The following APOBEC3G variants were observed in gnomAD, a reference collection of about 807,000 sequenced individuals.
APOBEC3G encodes the protein DNA dC->dU-editing enzyme APOBEC-3G.
A neutral mutation model predicts 50.0 loss-of-function variants in APOBEC3G; 44 were observed. The ratio of observed to expected loss-of-function variants is 0.88; its 90% CI spans 0.69 to 1.13. The LOEUF is 1.13. APOBEC3G is among the 50% of genes most tolerant of loss of function. The pLI, the probability that APOBEC3G is intolerant of heterozygous loss-of-function variation, is 0.00. For missense variants in APOBEC3G, 469 were observed against 492.0 expected (o/e 0.95, Z 0.44); for synonymous variants, 156 against 175.3 (o/e 0.89, Z 0.87).
At chr22:39,080,009 A>T (rs961185551) in intron 2 of APOBEC3G, 1 of 160,250 alleles carries the variant, frequency 6.2e-6, no homozygotes, top group African/African-American at 2.4e-5. Context: ...GCATCCTTGC[A>T]TTCCAGCCTG....
At chr22:39,079,112 C>T (rs747174053) in intron 2 of APOBEC3G, 27 bp downstream of exon 2, 5 of 1,612,040 alleles carry the variant, frequency 3.1e-6, no homozygotes, top group Non-Finnish European at 3.4e-6. Flanking sequence ...AATCACTTTG[C>T]AGGCAGGAGC....
intron 7 of APOBEC3G, 98 bp downstream of exon 7, chr22:39,087,224 G>T (rs916727094): frequency 1.9e-6 from 3 of 1,605,294 alleles, no homozygotes; most frequent in African/African-American, 2.7e-5. Context: ...CCTCCTCTGG[G>T]TTCCCTGCTC....
At position 39,079,078 on chromosome 22, in the gene APOBEC3G, G is replaced by C. The variant is rs367793502; in HGVS notation, c.164G>C (p.Arg55Pro). 17 of 1,614,068 alleles carry C rather than the reference G, an allele frequency of 1.1e-5. No individual in the cohort carries two copies. The South Asian group carries it at 1.6e-4, about 16-fold the overall frequency. The change falls in exon 2 of 8, where the codon CGA becomes CCA. Residue 55 changes from arginine to proline, a missense_variant. Transcript: ENST00000407997. ...CCCCCTTTGGACGCAAAGATCTTTC[G>C]AGGCCAGGTACCACCCGGACTCCAA... ...SRPPLDAKIF[R>P]GQVYSELKYH... is the part of the protein sequence containing the mutation.
At position 39,083,861 on chromosome 22, in the gene APOBEC3G, C is replaced by T. The variant is rs199763152; in HGVS notation, c.712C>T (p.Arg238Cys). 3.3e-5 allele frequency: 53 copies of T among 1,613,564 alleles called. 1 individual carries two copies. The highest frequency in any genetic ancestry group is 2.5e-4 in the African/African-American group (19 of 75,010). Residue 238 changes from arginine (R) to cysteine (C), a missense_variant, in exon 5 of 8, where the codon CGC becomes TGC. Physicochemically the swap from Arg to Cys is radical, Grantham distance 180 (BLOSUM62 -3). Coordinates refer to ENST00000407997, the MANE Select transcript of APOBEC3G (RefSeq NM_021822.4). ...TGACACCTGGGTCCTGCTGAACCAG[C>T]GCAGGGGCTTTCTATGCAACCAGGT... ...HNDTWVLLNQ[R>C]RGFLCNQAPH...
At chr22:39,085,290 A>C (rs36007289) in intron 5 of APOBEC3G, among the ~76,000 whole-genome samples, 11 of 152,256 alleles carry the variant, frequency 7.2e-5, no homozygotes, top group Non-Finnish European at 1.5e-4. Flanking sequence ...GCCTCAGTCT[A>C]TGTCACTCGT....
intron 1 of APOBEC3G, 149 bp from the exon 2 acceptor site, chr22:39,078,783 G>A (rs980341273): frequency 3.5e-6 from 4 of 1,126,896 alleles, no homozygotes; most frequent in Non-Finnish European, 4.9e-6. Flanking sequence ...CGCGATCTTG[G>A]CTCACTACAG....
At chr22:39,078,556 C>A (rs1426003728) in intron 1 of APOBEC3G, 3 of 175,144 alleles carry the variant, frequency 1.7e-5, no homozygotes, top group Non-Finnish European at 3.6e-5. Context: ...CTCACATGAG[C>A]TCACCCCCGC....
At chr22:39,077,904 A>G (rs1928232080) in intron 1 of APOBEC3G, among the ~76,000 whole-genome samples, 1 of 152,026 alleles carries the variant, frequency 6.6e-6, no homozygotes, top group Non-Finnish European at 1.5e-5. Context: ...GATGCAGATG[A>G]CCCCAAACAC....
chr22:39,087,280 C>T, intron 7 of APOBEC3G, 127 bp from the exon 8 acceptor site: 3 of 1,596,470 alleles, frequency 1.9e-6, no homozygotes, highest in Non-Finnish European at 1.7e-6. Context: ...CTCACAGCCT[C>T]CCTTTCTCTC....
At chr22:39,083,590 C>G in intron 4 of APOBEC3G, 141 bp from the exon 5 acceptor site, 1 of 1,004,012 alleles carries the variant, frequency 1.0e-6, no homozygotes, top group Non-Finnish European at 1.5e-6. Context: ...GTGGGAGCCC[C>G]TTCTGACAGG....
chr22:39,079,846 G>T (rs1315923264), intron 2 of APOBEC3G: 1 of 150,248 alleles, frequency 6.7e-6, no homozygotes, highest in Non-Finnish European at 1.5e-5. Context: ...ACCGGCCTGG[G>T]CAACATGGTG....
intron 4 of APOBEC3G, 97 bp from the exon 5 acceptor site, chr22:39,083,634 G>C: frequency 7.0e-7 from 1 of 1,418,546 alleles, no homozygotes; most frequent in Non-Finnish European, 9.7e-7. Context: ...GGGAAGGAAG[G>C]AGGGTGGGGT....
chr22:39,083,983 T>C, intron 5 of APOBEC3G, 99 bp downstream of exon 5: 1 of 1,426,556 alleles, frequency 7.0e-7, no homozygotes. Flanking sequence ...TCCTGCAGAG[T>C]GTCTGTCACC....
chr22:39,078,714 C>A, intron 1 of APOBEC3G: 1 of 582,628 alleles, frequency 1.7e-6, no homozygotes, highest in Non-Finnish European at 2.9e-6. Flanking sequence ...TTCTGTCTCT[C>A]TCTCTCTTTT....
intron 1 of APOBEC3G, chr22:39,078,683 A>T (rs1048263484): frequency 4.1e-5 from 20 of 486,306 alleles, no homozygotes; most frequent in Non-Finnish European, 6.9e-5. Flanking sequence ...AAAAGCTGTT[A>T]TTTTGGGGTG....
chr22:39,081,692 C>T (rs1376631142), intron 4 of APOBEC3G, 107 bp downstream of exon 4: 11 of 876,370 alleles, frequency 1.3e-5, no homozygotes, highest in Non-Finnish European at 1.8e-5. Context: ...CCAGGCCCTC[C>T]TGCCTTCCCT....
Position 39,080,961 on chromosome 22 carries a change from A to G in APOBEC3G, c.200A>G (p.Glu67Gly), listed in dbSNP as rs747116946. The G allele has an allele frequency of 1.2e-6, 2 of 1,613,858 alleles. No individual in the cohort carries two copies. The highest frequency in any genetic ancestry group is 1.7e-6 in the Non-Finnish European group (2 of 1,179,946). Residue 67 changes from glutamate to glycine, a missense_variant, in exon 3 of 8, where the codon GAG (glutamate) becomes GGG (glycine). By Grantham distance (98) the Glu-to-Gly change is moderately conservative. Transcript: ENST00000407997. The stretch of plus-strand genomic sequence containing the variant: ...TATTCCGAACTTAAGTACCACCCAG[A>G]GATGAGATTCTTCCACTGGTTCAGC... Reference protein sequence around the residue: ...QVYSELKYHPEMRFFHWFSKW... With the variant: ...QVYSELKYHPGMRFFHWFSKW...
chr22:39,077,514 C>T lies in APOBEC3G; in HGVS notation c.17+136C>T. The T allele has an allele frequency of 2.0e-6, 3 of 1,463,692 alleles. No homozygotes were observed. The South Asian group carries it at 3.7e-5, about 18-fold the overall frequency. 90.7% of individuals were successfully genotyped at this position (1,463,692 alleles called of 1,614,324 possible). On this transcript the variant is annotated intron_variant, in intron 1 of 7. Transcript: ENST00000407997. ...CCTCCCCTCTGACTCCCCTGCACCCCCTACTCCCAGCCAGGCTCCTTGCCC... is the reference window on the plus strand; with the variant it reads ...CCTCCCCTCTGACTCCCCTGCACCCTCTACTCCCAGCCAGGCTCCTTGCCC...
intron 6 of APOBEC3G, among the ~76,000 whole-genome samples, chr22:39,086,802 T>C (rs1263680226): frequency 1.3e-5 from 2 of 152,012 alleles, no homozygotes; most frequent in Non-Finnish European, 2.9e-5. Context: ...GAAGCAGAAC[T>C]TGGGGCTTCC....
Sources: allele counts gnomAD v4.1 joint callset (sites outside exome capture counted in the v4.1 genomes callset), GRCh38; gene constraint gnomAD v4.1.1; transcripts MANE v1.5; gene names NCBI Gene and HGNC (gene_info 2026-07-23, HGNC 2026-07-21).